Variants in TBPL2 observed in about 807,000 individuals in gnomAD.
The protein encoded by TBPL2 is TATA-box binding protein like 2, also known as TATA box-binding protein-like 2.
A neutral mutation model predicts 38.2 loss-of-function variants in TBPL2; 40 were observed. The observed-to-expected ratio is 1.05, with a 90% CI of 0.81 to 1.36. The LOEUF is 1.36. Among genes scored for constraint, TBPL2 ranks in the 40% most tolerant of loss-of-function variants. The pLI is 0.00. For synonymous variants in TBPL2, 169 were observed against 171.7 expected, an observed-to-expected ratio of 0.98 and a Z score of 0.12; for missense variants, 461 against 456.7, an observed-to-expected ratio of 1.01 and a Z score of -0.09.
intron 4 of TBPL2, among the ~76,000 whole-genome samples, chr14:55,431,091 C>A (rs1885917881): frequency 6.6e-6 from 1 of 152,190 alleles, no homozygotes; most frequent in African/African-American, 2.4e-5. Flanking sequence ...TGATCTTCTG[C>A]ACTTTTCCTA....
intron 6 of TBPL2, among the ~76,000 whole-genome samples, chr14:55,417,124 CT>C (rs1438209402): frequency 6.6e-6 from 1 of 152,110 alleles, no homozygotes; most frequent in Non-Finnish European, 1.5e-5. Flanking sequence ...CATAGGAGGA[CT>C]TTAGGGAAAT....
chr14:55,416,902 T>TC (rs1885676966), intron 6 of TBPL2, among the ~76,000 whole-genome samples: 1 of 152,198 alleles, frequency 6.6e-6, no homozygotes, highest in Non-Finnish European at 1.5e-5. Flanking sequence ...TGAACTTCAC[T>TC]CATTTTCCAT....
chr14:55,417,613 C>T (rs752028161), intron 6 of TBPL2, among the ~76,000 whole-genome samples: 1 of 152,102 alleles, frequency 6.6e-6, no homozygotes, highest in African/African-American at 2.4e-5. Context: ...GCAAGCACCA[C>T]CATGTCTGGC....
At chr14:55,436,815 T>G in exon 2 of TBPL2, 1 of 1,614,230 alleles carries the variant, frequency 6.2e-7, no homozygotes, top group Admixed American at 1.7e-5. Flanking sequence ...CAGTTTCGTG[T>G]TTGCTAATGA....
chr14:55,440,444 C>G, exon 1 of TBPL2: 1 of 1,613,016 alleles, frequency 6.2e-7, no homozygotes, highest in Non-Finnish European at 8.5e-7. Context: ...TCTCCTCCTG[C>G]TCCATGGACC....
chr14:55,432,161 A>C (rs1400665498), intron 4 of TBPL2, among the ~76,000 whole-genome samples: 2 of 151,602 alleles, frequency 1.3e-5, no homozygotes, highest in African/African-American at 4.8e-5. Flanking sequence ...TAATCCCAGC[A>C]CTTTGGGAGA....
At chr14:55,426,140 G>C (rs1386669774) in intron 5 of TBPL2, among the ~76,000 whole-genome samples, 1 of 151,862 alleles carries the variant, frequency 6.6e-6, no homozygotes, top group Non-Finnish European at 1.5e-5. Flanking sequence ...GGTGGTGGGT[G>C]CCTATAATAC....
intron 4 of TBPL2, 51 bp downstream of exon 4, chr14:55,433,579 T>A: frequency 6.5e-7 from 1 of 1,534,354 alleles, no homozygotes; most frequent in East Asian, 2.2e-5. Flanking sequence ...CTTCCTTGTT[T>A]TACATACTAA....
intron 1 of TBPL2, among the ~76,000 whole-genome samples, chr14:55,439,360 T>C (rs1302245255): frequency 5.3e-5 from 8 of 151,368 alleles, no homozygotes; most frequent in African/African-American, 1.7e-4. Flanking sequence ...GAGACTTGAC[T>C]TCTAGAGGGA....
At chr14:55,414,300 G>T in exon 7 of TBPL2, 3 of 1,086,736 alleles carry the variant, frequency 2.8e-6, no homozygotes, top group Non-Finnish European at 4.1e-6. Flanking sequence ...ACAATTAAAC[G>T]TAGAAGAATC....
intron 1 of TBPL2, among the ~76,000 whole-genome samples, chr14:55,439,625 T>C (rs1161643502): frequency 1.3e-3 from 67 of 52,144 alleles, no homozygotes; most frequent in East Asian, 4.3e-3. Context: ...CCCCCCCCCG[T>C]CTCTACTAAA....
intron 6 of TBPL2, among the ~76,000 whole-genome samples, chr14:55,419,558 G>C (rs1012269245): frequency 3.9e-5 from 6 of 152,182 alleles, no homozygotes; most frequent in African/African-American, 1.2e-4. Context: ...CTGGGCCCAG[G>C]TCCTGTTGCT....
intron 4 of TBPL2, among the ~76,000 whole-genome samples, chr14:55,433,197 T>C (rs1214686518): frequency 6.6e-6 from 1 of 152,048 alleles, no homozygotes; most frequent in East Asian, 1.9e-4. Flanking sequence ...GGTATGATCA[T>C]AGCTCATTGC....
At chr14:55,431,784 T>C (rs1885932180) in intron 4 of TBPL2, among the ~76,000 whole-genome samples, 1 of 152,230 alleles carries the variant, frequency 6.6e-6, no homozygotes, top group Non-Finnish European at 1.5e-5. Context: ...AAATTCTAGA[T>C]CTGCTCTGTC....
intron 4 of TBPL2, among the ~76,000 whole-genome samples, chr14:55,429,261 C>T (rs1222997885): frequency 2.6e-5 from 4 of 152,192 alleles, no homozygotes; most frequent in Admixed American, 6.5e-5. Context: ...TTTGCTAAAA[C>T]GATTCCAAGG....
At chr14:55,423,737 G>A (rs78297851) in intron 6 of TBPL2, among the ~76,000 whole-genome samples, 1 of 152,090 alleles carries the variant, frequency 6.6e-6, no homozygotes, top group East Asian at 1.9e-4. Context: ...TTCACACTAC[G>A]ATGGCAGTGC....
exon 5 of TBPL2, chr14:55,428,896 A>C (rs201098758): frequency 2.5e-6 from 4 of 1,614,204 alleles, no homozygotes; most frequent in Non-Finnish European, 3.4e-6. Context: ...GAATTTTAAA[A>C]TCGAGGAATC....
chr14:55,422,455 T>C (rs933365228), intron 6 of TBPL2, among the ~76,000 whole-genome samples: 1 of 152,184 alleles, frequency 6.6e-6, no homozygotes, highest in Admixed American at 6.5e-5. Flanking sequence ...TTCACCATGT[T>C]GGCCAGGCTC....
intron 5 of TBPL2, among the ~76,000 whole-genome samples, chr14:55,425,440 T>A (rs947237978): frequency 6.6e-6 from 1 of 152,238 alleles, no homozygotes; most frequent in East Asian, 1.9e-4. Flanking sequence ...AAAACTTTGG[T>A]ATGTAAATGA....
Sources: allele counts gnomAD v4.1 joint callset (sites outside exome capture counted in the v4.1 genomes callset), GRCh38; gene constraint gnomAD v4.1.1; transcripts MANE v1.5; gene names NCBI Gene and HGNC (gene_info 2026-07-23, HGNC 2026-07-21).